The following ADAM9 variants were observed in gnomAD, a reference collection of about 807,000 sequenced individuals.
The protein encoded by ADAM9 is disintegrin and metalloproteinase domain-containing protein 9.
In ADAM9, 54 loss-of-function variants were observed where a neutral mutation model predicts 108.1. The observed-to-expected ratio is 0.50, with a 90% CI of 0.40 to 0.63. The LOEUF is 0.63. ADAM9 is among the 20% of genes least tolerant of loss of function. The pLI is 0.00. For synonymous variants in ADAM9, 316 were observed against 336.0 expected (o/e 0.94, Z 0.65); for missense variants, 830 against 997.7 (o/e 0.83, Z 2.26).
intron 20 of ADAM9, among the ~76,000 whole-genome samples, chr8:39,092,277 A>G (rs1354374434): frequency 1.3e-5 from 2 of 151,782 alleles, no homozygotes; most frequent in Non-Finnish European, 2.9e-5. Context: ...GCTGTGATTC[A>G]TTCATTTTCA....
Position 39,042,136 on chromosome 8 carries a change from T to A in ADAM9, c.1302+19T>A. On this transcript the variant is annotated intron_variant, in intron 12 of 21. Transcript: ENST00000487273. Reference sequence around the variant, plus strand: ...TCCAAAGGTCAGTTTAATTTTTGACTTTTGCCTTGTAAAATTGCCATGATA... The same window carrying A: ...TCCAAAGGTCAGTTTAATTTTTGACATTTGCCTTGTAAAATTGCCATGATA... 6.2e-7 allele frequency: 1 copy of A among 1,613,818 alleles called. No homozygotes were observed.
intron 14 of ADAM9, among the ~76,000 whole-genome samples, chr8:39,056,681 C>T (rs757151197): frequency 6.6e-6 from 1 of 152,150 alleles, no homozygotes; most frequent in East Asian, 1.9e-4. Context: ...TTCTCTCTCT[C>T]TCTTTTGGTT....
In ADAM9 at chr8:39,061,911, G is replaced by C. The variant is rs555297239; in HGVS notation, c.1591+6139G>C. ...TCTGGCTGCTCTAACAAGATATACT[G>C]TAGACTGTGTGGCTTAAATGGCAGA... On this transcript the variant is annotated intron_variant, in intron 14 of 21. Transcript: ENST00000487273. 8.5e-5 allele frequency among the ~76,000 whole-genome samples: 13 copies of C among 152,294 alleles called. No homozygotes were observed. The East Asian group carries it at 2.3e-3, about 27-fold the overall frequency.
intron 12 of ADAM9, among the ~76,000 whole-genome samples, chr8:39,049,330 C>G (rs1057210393): frequency 5.9e-5 from 9 of 151,860 alleles, no homozygotes; most frequent in Non-Finnish European, 1.3e-4. Flanking sequence ...ACAACTTAAC[C>G]TCAATTACAT....
At chr8:39,085,824 C>A (rs192652570) in intron 18 of ADAM9, among the ~76,000 whole-genome samples, 50 of 151,970 alleles carry the variant, frequency 3.3e-4, no homozygotes, top group Admixed American at 5.2e-4. Context: ...CTTTTTGGAT[C>A]TGTGCTTTTA....
At chr8:39,035,110 C>G (rs1837227644) in intron 11 of ADAM9, among the ~76,000 whole-genome samples, 1 of 152,088 alleles carries the variant, frequency 6.6e-6, no homozygotes, top group Non-Finnish European at 1.5e-5. Context: ...TCCTTTGTCT[C>G]TTAGTTTTTT....
intron 14 of ADAM9, among the ~76,000 whole-genome samples, chr8:39,067,625 C>T (rs1400195732): frequency 1.3e-5 from 2 of 152,216 alleles, no homozygotes; most frequent in Non-Finnish European, 2.9e-5. Flanking sequence ...AGTTGCTTAT[C>T]AGCTTAAGGA....
chr8:39,012,190 A>G (rs1044377094), intron 3 of ADAM9, among the ~76,000 whole-genome samples: 1 of 152,228 alleles, frequency 6.6e-6, no homozygotes, highest in African/African-American at 2.4e-5. Context: ...CCTCCAGATT[A>G]TGAACCGCTG....
chr8:39,073,291 T>C (rs1388433700), intron 15 of ADAM9, among the ~76,000 whole-genome samples: 1 of 152,222 alleles, frequency 6.6e-6, no homozygotes, highest in Non-Finnish European at 1.5e-5. Flanking sequence ...TGTGGATTTG[T>C]CTATTTATCT....
chr8:39,025,359 A>G (rs559070617), intron 9 of ADAM9, among the ~76,000 whole-genome samples: 1 of 152,168 alleles, frequency 6.6e-6, no homozygotes, highest in African/African-American at 2.4e-5. Context: ...GGCCTCCCAA[A>G]GTACTGGGAT....
chr8:39,039,924 T>C (rs373397509), intron 11 of ADAM9, among the ~76,000 whole-genome samples: 1 of 152,348 alleles, frequency 6.6e-6, no homozygotes, highest in African/African-American at 2.4e-5. Context: ...ATGATAGTTC[T>C]GTTTTTAATT....
intron 14 of ADAM9, 101 bp from the exon 15 acceptor site, chr8:39,071,197 C>T: frequency 9.6e-7 from 1 of 1,043,818 alleles, no homozygotes; most frequent in Non-Finnish European, 1.4e-6. Context: ...GGTATTGAGG[C>T]TGTTCATCCA....
intron 1 of ADAM9, among the ~76,000 whole-genome samples, chr8:38,998,632 C>T (rs1835901173): frequency 6.6e-6 from 1 of 152,082 alleles, no homozygotes; most frequent in African/African-American, 2.4e-5. Context: ...ACCAAATATG[C>T]TAAGCGCATC....
chr8:39,035,734 A>G (rs538314325), intron 11 of ADAM9, among the ~76,000 whole-genome samples: 33 of 152,194 alleles, frequency 2.2e-4, no homozygotes, highest in East Asian at 5.8e-4. Flanking sequence ...GGCGAATGGC[A>G]TGAACCCGGG....
At chr8:39,048,882 T>C (rs1837861712) in intron 12 of ADAM9, among the ~76,000 whole-genome samples, 1 of 152,034 alleles carries the variant, frequency 6.6e-6, no homozygotes, top group Non-Finnish European at 1.5e-5. Context: ...TTGATACAAA[T>C]ATAGGTACCC....
intron 1 of ADAM9, among the ~76,000 whole-genome samples, chr8:39,004,745 A>G (rs918346131): frequency 1.3e-5 from 2 of 152,190 alleles, no homozygotes; most frequent in African/African-American, 4.8e-5. Flanking sequence ...TTTAGACCAT[A>G]TAAGGTAACT....
intron 11 of ADAM9, 149 bp downstream of exon 11, chr8:39,026,959 C>CTTT: frequency 4.8e-5 from 35 of 724,180 alleles, no homozygotes; most frequent in Admixed American, 1.9e-4. Context: ...AATGAGAAGT[C>CTTT]TTTTTTTTTT....
chr8:39,092,039 A>T (rs1010959516), intron 20 of ADAM9, among the ~76,000 whole-genome samples: 5 of 152,208 alleles, frequency 3.3e-5, no homozygotes, highest in Non-Finnish European at 7.3e-5. Flanking sequence ...TAGGACTGAT[A>T]GTCACTGTTC....
chr8:38,998,832 G>C (rs1470948614), intron 1 of ADAM9, among the ~76,000 whole-genome samples: 2 of 152,156 alleles, frequency 1.3e-5, no homozygotes, highest in East Asian at 3.8e-4. Context: ...TCTTCATGCA[G>C]ACTATAAAAG....
Sources: allele counts gnomAD v4.1 joint callset (sites outside exome capture counted in the v4.1 genomes callset), GRCh38; gene constraint gnomAD v4.1.1; transcripts MANE v1.5; gene names NCBI Gene and HGNC (gene_info 2026-07-23, HGNC 2026-07-21).